Variants in RFTN1 observed in about 807,000 individuals in gnomAD.
The protein encoded by RFTN1 is raftlin.
Under a neutral mutation model 46.5 loss-of-function variants are expected in RFTN1, and 26 were observed. The observed-to-expected ratio is 0.56, with a 90% CI of 0.41 to 0.78. The LOEUF is 0.78. Among genes scored for constraint, RFTN1 ranks in the 30% least tolerant of loss-of-function variants. The pLI is 0.00. For missense variants in RFTN1, 693 were observed against 718.7 expected, an observed-to-expected ratio of 0.96 and a Z score of 0.41; for synonymous variants, 261 against 284.2, an observed-to-expected ratio of 0.92 and a Z score of 0.82.
rs1211175875 is a variant in RFTN1, at chr3:16,500,423, C to T, written c.-8-6546G>A. Among the ~76,000 whole-genome samples, 1 of 152,118 alleles carries T rather than the reference C, an allele frequency of 6.6e-6. No homozygotes were observed. The highest frequency in any genetic ancestry group is 2.4e-5 in the African/African-American group (1 of 41,418). ...CAAGAAAAACTTTCCAAGAAGTCTT[C>T]AAAGGTAGAGGAAATGGAAGAGGTC... is the stretch of plus-strand genomic sequence containing the variant. On this transcript the variant is annotated intron_variant, in intron 1 of 9. Transcript: ENST00000334133. The surrounding 1 kb of genome is among the most constrained non-coding windows in gnomAD (Gnocchi z 5.9).
chr3:16,422,369 G>A lies in RFTN1; in HGVS notation c.332+11482C>T, dbSNP rs185576976. 5.7e-4 allele frequency among the ~76,000 whole-genome samples: 86 copies of A among 152,134 alleles called. No individual in the cohort carries two copies. The highest frequency in any genetic ancestry group is 1.8e-3 in the African/African-American group (74 of 41,530). On this transcript the variant is annotated intron_variant, in intron 3 of 9. Transcript: ENST00000334133. This position sits in a 1 kb window ranked among gnomAD's most constrained non-coding sequence, Gnocchi z 4.6. ...GCCCTGGCCGGGTGTGGTGGCTCACGCCTGTAATCCCAGCACTTTGGGAGG... is the reference window on the plus strand; with the variant it reads ...GCCCTGGCCGGGTGTGGTGGCTCACACCTGTAATCCCAGCACTTTGGGAGG...
intron 3 of RFTN1, among the ~76,000 whole-genome samples, chr3:16,430,891 G>A (rs924197415): frequency 1.3e-5 from 2 of 152,188 alleles, no homozygotes; most frequent in Admixed American, 1.3e-4. Context: ...CTTCTGGAAA[G>A]TAAGTTCATT....
intron 2 of RFTN1, among the ~76,000 whole-genome samples, chr3:16,482,187 G>A (rs1011845355): frequency 2.0e-5 from 3 of 152,094 alleles, no homozygotes; most frequent in Admixed American, 6.5e-5. Context: ...ACATGGAGTC[G>A]GAAGACCTCA....
At chr3:16,441,122 T>A (rs1393894863) in intron 2 of RFTN1, among the ~76,000 whole-genome samples, 1 of 152,180 alleles carries the variant, frequency 6.6e-6, no homozygotes, top group African/African-American at 2.4e-5. Context: ...TGGAAATATT[T>A]TTTTTTATTC....
rs909453597 is a variant in RFTN1 at position 16,440,249 on chromosome 3, C to T, written c.146-6212G>A. 2.6e-5 allele frequency among the ~76,000 whole-genome samples: 4 copies of T among 152,204 alleles called. No individual in the cohort carries two copies. The highest frequency in any genetic ancestry group is 2.1e-4 in the South Asian group (1 of 4,828). ...TCGCCTCATCTGGGAAGGACACCCA[C>T]GTGCTCCCACACTGCCACAATCTTG... is the stretch of plus-strand genomic sequence containing the variant. On this transcript the variant is annotated intron_variant, in intron 2 of 9. Coordinates refer to ENST00000334133, the MANE Select transcript of RFTN1 (RefSeq NM_015150.2). The surrounding 1 kb of genome is among the most constrained non-coding windows in gnomAD (Gnocchi z 4.6).
intron 8 of RFTN1, among the ~76,000 whole-genome samples, chr3:16,326,153 C>A (rs562192567): frequency 1.3e-5 from 2 of 152,280 alleles, no homozygotes; most frequent in South Asian, 4.1e-4. Context: ...AGATGGAGGG[C>A]CTTTTATGGT....
At chr3:16,441,299 TAAA>T (rs59877269) in intron 2 of RFTN1, among the ~76,000 whole-genome samples, 28 of 47,550 alleles carry the variant, frequency 5.9e-4, no homozygotes, top group Admixed American at 1.4e-3. Flanking sequence ...TTCCAAGAAC[TAAA>T]AAAAAAAAAA....
chr3:16,346,839 A>G lies in RFTN1; in HGVS notation c.1146+11093T>C, dbSNP rs1396570679. On this transcript the variant is annotated intron_variant, in intron 7 of 9. Coordinates refer to ENST00000334133, the MANE Select transcript of RFTN1 (RefSeq NM_015150.2). This position sits in a 1 kb window ranked among gnomAD's most constrained non-coding sequence, Gnocchi z 4.4. Reference sequence around the variant, plus strand: ...GAGGATCATAAGGAGAGCCCTGCAGACAGGCTGAGGATGAGTACAGAAAGA... The same window carrying G: ...GAGGATCATAAGGAGAGCCCTGCAGGCAGGCTGAGGATGAGTACAGAAAGA... 6.6e-6 allele frequency among the ~76,000 whole-genome samples: 1 copy of G among 152,216 alleles called. No homozygotes were observed. The highest frequency in any genetic ancestry group is 1.5e-5 in the Non-Finnish European group (1 of 68,034).
In RFTN1 at chr3:16,489,137, G is replaced by T. The variant is rs568392135; in HGVS notation, c.145+4588C>A. Among the ~76,000 whole-genome samples, 2 of 152,164 alleles carry T rather than the reference G, an allele frequency of 1.3e-5. No individual in the cohort carries two copies. Among genetic ancestry groups the T allele is most frequent in the African/African-American group, 4.8e-5 (2 of 41,426 alleles). On this transcript the variant is annotated intron_variant, in intron 2 of 9. Coordinates refer to ENST00000334133, the MANE Select transcript of RFTN1 (RefSeq NM_015150.2). The surrounding 1 kb of genome is among the most constrained non-coding windows in gnomAD (Gnocchi z 4.0). The stretch of plus-strand genomic sequence containing the variant: ...CTGGGAAATAAAATCAGTGATGGAG[G>T]CCGGGTGAGGTGGCTCACACCTGTA...
intron 3 of RFTN1, among the ~76,000 whole-genome samples, chr3:16,414,917 T>C (rs2125456816): frequency 6.6e-6 from 1 of 152,078 alleles, no homozygotes; most frequent in Middle Eastern, 3.4e-3. Context: ...TCAGGGGAGA[T>C]GGATAGTATA....
intron 2 of RFTN1, among the ~76,000 whole-genome samples, chr3:16,486,514 G>C: frequency 6.6e-6 from 1 of 152,162 alleles, no homozygotes; most frequent in East Asian, 1.9e-4. Context: ...CCTCCCACAA[G>C]TTGTCTCCTC....
At chr3:16,497,317 C>T (rs1335577306) in intron 1 of RFTN1, among the ~76,000 whole-genome samples, 1 of 152,212 alleles carries the variant, frequency 6.6e-6, no homozygotes, top group Non-Finnish European at 1.5e-5. Context: ...AAATCATCTA[C>T]GTACTGGGTC....
intron 2 of RFTN1, among the ~76,000 whole-genome samples, chr3:16,462,212 T>C (rs896621593): frequency 2.0e-5 from 3 of 152,238 alleles, no homozygotes; most frequent in African/African-American, 7.2e-5. Flanking sequence ...ACCTGATTTA[T>C]AGAGTCAGAA....
intron 6 of RFTN1, among the ~76,000 whole-genome samples, chr3:16,362,928 G>A (rs962757267): frequency 1.3e-5 from 2 of 152,154 alleles, no homozygotes; most frequent in South Asian, 2.1e-4. Context: ...TGGGAAGGGG[G>A]CTGTGTAGTC....
In RFTN1 at chr3:16,440,437, A is replaced by G. The variant is rs544217040; in HGVS notation, c.146-6400T>C. ...CCAGGCTGGTCTTGAACTCCTGCCC[A>G]TCTTCATCCCATACCAGGGCTTTGT... On this transcript the variant is annotated intron_variant, in intron 2 of 9. Transcript: ENST00000334133. The surrounding 1 kb of genome is among the most constrained non-coding windows in gnomAD (Gnocchi z 4.6). 1.2e-4 allele frequency among the ~76,000 whole-genome samples: 19 copies of G among 152,254 alleles called. No homozygotes were observed. The highest frequency in any genetic ancestry group is 4.6e-4 in the African/African-American group (19 of 41,556).
chr3:16,480,947 T>C lies in RFTN1; in HGVS notation c.145+12778A>G, dbSNP rs2076355380. Among the ~76,000 whole-genome samples the C allele has an allele frequency of 6.6e-6, 1 of 151,798 alleles. No individual in the cohort carries two copies. The highest frequency in any genetic ancestry group is 1.5e-5 in the Non-Finnish European group (1 of 67,992). On this transcript the variant is annotated intron_variant, in intron 2 of 9. Coordinates refer to ENST00000334133, the MANE Select transcript of RFTN1 (RefSeq NM_015150.2). This position sits in a 1 kb window ranked among gnomAD's most constrained non-coding sequence, Gnocchi z 4.3. ...TTTTACTGAAGGCAGGCTTAGTTGC[T>C]GAAATTTACTGCTTGGGTTACACAC... is the stretch of plus-strand genomic sequence containing the variant.
chr3:16,467,504 C>T (rs2076118217), intron 2 of RFTN1, among the ~76,000 whole-genome samples: 1 of 152,248 alleles, frequency 6.6e-6, no homozygotes, highest in African/African-American at 2.4e-5. Context: ...AGACACTTGA[C>T]TCATTCGTGA....
In RFTN1 at chr3:16,450,401, T is replaced by C. The variant is rs527625828; in HGVS notation, c.146-16364A>G. Reference sequence around the variant, plus strand: ...CTGGCCACATCCAGGTGCACAGAGGTGGTGGCCTCAGAGAAGGAAGGCAGG... The same window carrying C: ...CTGGCCACATCCAGGTGCACAGAGGCGGTGGCCTCAGAGAAGGAAGGCAGG... On this transcript the variant is annotated intron_variant, in intron 2 of 9. Coordinates refer to ENST00000334133, the MANE Select transcript of RFTN1 (RefSeq NM_015150.2). This position sits in a 1 kb window ranked among gnomAD's most constrained non-coding sequence, Gnocchi z 4.6. Among the ~76,000 whole-genome samples, 55 of 152,158 alleles carry C rather than the reference T, an allele frequency of 3.6e-4. 1 individual carries two copies. The South Asian group carries it at 0.011, about 31-fold the overall frequency.
rs867443311 is a variant in RFTN1 at position 16,403,945 on chromosome 3, A to G, written c.441+5430T>C. Among the ~76,000 whole-genome samples the G allele has an allele frequency of 3.2e-3, 25 of 7,876 alleles. 4 individuals carry two copies. Among genetic ancestry groups the G allele is most frequent in the South Asian group, 9.8e-3 (2 of 204 alleles). The allele number at this position is 7,876 out of a possible 152,430, so 5.2% of individuals were successfully genotyped here. On this transcript the variant is annotated intron_variant, in intron 4 of 9. Transcript: ENST00000334133. ...ATAATATATTATATTTATATATAAT[A>G]TATAATATATATTTTATATATATAT...
Sources: gnomAD v4.1 joint callset for allele counts (sites outside exome capture counted in the v4.1 genomes callset) on GRCh38, gnomAD v4.1.1 for gene constraint, Gnocchi (gnomAD v3.1) non-coding constraint, MANE v1.5 for transcripts, NCBI Gene and HGNC (gene_info 2026-07-23, HGNC 2026-07-21) for gene names.